MAP2K5: variants seen among roughly 807,000 people sequenced by gnomAD.
MAP2K5 encodes the protein mitogen-activated protein kinase kinase 5.
Under a neutral mutation model 83.1 loss-of-function variants are expected in MAP2K5, and 49 were observed. The observed-to-expected ratio is 0.59, with a 90% CI of 0.47 to 0.75. The LOEUF (loss-of-function observed/expected upper bound fraction) is 0.75. Ranked by LOEUF, MAP2K5 falls within the 30% of genes least tolerant of loss-of-function variation. The probability of loss-of-function intolerance (pLI) is 0.00; values close to 1 mark genes in which losing one functional copy is unlikely to be tolerated. For missense variants in MAP2K5, 457 were observed against 557.5 expected (o/e 0.82, Z 1.82); for synonymous variants, 202 against 191.8 (o/e 1.05, Z -0.44).
intron 12 of MAP2K5, among the ~76,000 whole-genome samples, chr15:67,662,817 C>G (rs2087270829): frequency 6.6e-6 from 1 of 152,008 alleles, no homozygotes; most frequent in Non-Finnish European, 1.5e-5. Context: ...ATTTTATTTC[C>G]TTGACCTGCC....
In MAP2K5 at chr15:67,769,753, G is replaced by A; in HGVS notation, c.1196+90G>A. On this transcript the variant is annotated intron_variant, in intron 20 of 21. Transcript: ENST00000178640. The surrounding 1 kb of genome is among the most constrained non-coding windows in gnomAD (Gnocchi z 5.2). The stretch of plus-strand genomic sequence containing the variant: ...TCCGTGAGACCTTATGGCTCTCCCT[G>A]CATCCTTTTGGAGACAGGAGGGACT... The A allele has an allele frequency of 4.5e-6, 6 of 1,318,762 alleles. No individual in the cohort carries two copies. The East Asian group carries it at 7.0e-5, about 15-fold the overall frequency. 81.7% of individuals were successfully genotyped at this position (1,318,762 alleles called of 1,614,324 possible).
At position 67,563,528 on chromosome 15, in the gene MAP2K5, C is replaced by T. The variant is rs973636401; in HGVS notation, c.252+178C>T. Reference sequence around the variant, plus strand: ...AGTTAAGGGCATTATTTTCAAAAGACACTTACTGATCATATCATAAACATT... The same window carrying T: ...AGTTAAGGGCATTATTTTCAAAAGATACTTACTGATCATATCATAAACATT... On this transcript the variant is annotated intron_variant, in intron 3 of 21. Transcript: ENST00000178640. This position sits in a 1 kb window ranked among gnomAD's most constrained non-coding sequence, Gnocchi z 4.5. Among the ~76,000 whole-genome samples, 3 of 152,110 alleles carry T rather than the reference C, an allele frequency of 2.0e-5. No individual in the cohort carries two copies. In the East Asian group the frequency reaches 5.8e-4, roughly 29 times the overall value.
At chr15:67,667,847 C>T (rs950326390) in intron 13 of MAP2K5, among the ~76,000 whole-genome samples, 9 of 152,088 alleles carry the variant, frequency 5.9e-5, no homozygotes, top group Middle Eastern at 3.2e-3. Context: ...ATTTATTAAA[C>T]GTAGTTAATG....
rs188085070 is a variant in MAP2K5 at position 67,584,815 on chromosome 15, G to A, written c.323-1075G>A. Among the ~76,000 whole-genome samples the A allele has an allele frequency of 6.8e-4, 103 of 150,976 alleles. No homozygotes were observed. In the East Asian group the frequency reaches 0.019, roughly 28 times the overall value. ...TGCCTCACGACATTCTCCTGCCTCA[G>A]CCTCCCGAGTAGCTGGGACTACAGG... On this transcript the variant is annotated intron_variant, in intron 4 of 21. Coordinates refer to ENST00000178640, the MANE Select transcript of MAP2K5 (RefSeq NM_145160.3).
intron 13 of MAP2K5, among the ~76,000 whole-genome samples, chr15:67,691,758 A>G (rs986148025): frequency 1.3e-5 from 2 of 152,168 alleles, no homozygotes; most frequent in Non-Finnish European, 2.9e-5. Context: ...CCTTTGTGTC[A>G]TTACTTAGCG....
intron 2 of MAP2K5, among the ~76,000 whole-genome samples, chr15:67,553,769 C>T (rs549085107): frequency 9.9e-5 from 15 of 151,008 alleles, no homozygotes; most frequent in East Asian, 3.9e-4. Context: ...AAAAATTAGC[C>T]GGGCGCGGTG....
intron 16 of MAP2K5, among the ~76,000 whole-genome samples, chr15:67,705,930 T>G (rs2088541249): frequency 6.6e-6 from 1 of 151,726 alleles, no homozygotes; most frequent in South Asian, 2.1e-4. Flanking sequence ...AGGGGAAAAG[T>G]GGGAAAAAAT....
At chr15:67,761,124 C>T (rs1181543831) in intron 19 of MAP2K5, among the ~76,000 whole-genome samples, 1 of 151,870 alleles carries the variant, frequency 6.6e-6, no homozygotes, top group Non-Finnish European at 1.5e-5. Context: ...CGTCTGGGCC[C>T]ACGAGATCCC....
rs1490617661 is a variant in MAP2K5, at chr15:67,780,679, T to C, written c.1242+7927T>C. ...TAAAAAAGGTTTTTGTTTGACCTCC[T>C]GCTAGGAGAGGTCATCTAGGTTAGA... On this transcript the variant is annotated intron_variant, in intron 21 of 21. Coordinates refer to ENST00000178640, the MANE Select transcript of MAP2K5 (RefSeq NM_145160.3). The surrounding 1 kb of genome is among the most constrained non-coding windows in gnomAD (Gnocchi z 5.0). 6.6e-6 allele frequency among the ~76,000 whole-genome samples: 1 copy of C among 152,240 alleles called. No individual in the cohort carries two copies. Among genetic ancestry groups the C allele is most frequent in the Non-Finnish European group, 1.5e-5 (1 of 68,044 alleles).
In MAP2K5 at chr15:67,748,637, T is replaced by C. The variant is rs1011625873; in HGVS notation, c.1134+36T>C. 1.9e-6 allele frequency: 3 copies of C among 1,597,274 alleles called. No individual in the cohort carries two copies. In the African/African-American group the frequency reaches 4.0e-5, roughly 21 times the overall value. ...GTCTTATGTGCTTTCACTCCTAAAG[T>C]CATTCCTAATGGTGTGGAAAGCTTA... On this transcript the variant is annotated intron_variant, in intron 19 of 21. Coordinates refer to ENST00000178640, the MANE Select transcript of MAP2K5 (RefSeq NM_145160.3). The surrounding 1 kb of genome is among the most constrained non-coding windows in gnomAD (Gnocchi z 4.0).
chr15:67,686,516 T>A (rs115509350), intron 13 of MAP2K5, among the ~76,000 whole-genome samples: 7 of 151,668 alleles, frequency 4.6e-5, no homozygotes, highest in African/African-American at 1.7e-4. Flanking sequence ...CTGAAGAGAA[T>A]CACTTGAACC....
At position 67,774,828 on chromosome 15, in the gene MAP2K5, C is replaced by A. The variant is rs2090208581; in HGVS notation, c.1242+2076C>A. Among the ~76,000 whole-genome samples, 1 of 152,192 alleles carries A rather than the reference C, an allele frequency of 6.6e-6. No homozygotes were observed. ...CATGGTAACTCCAGCCAGCAGGGTA[C>A]CAGCATGGGCTGCATGGGCCGCTTC... On this transcript the variant is annotated intron_variant, in intron 21 of 21. Transcript: ENST00000178640. The surrounding 1 kb of genome is among the most constrained non-coding windows in gnomAD (Gnocchi z 4.9).
rs1217954847 is a variant in MAP2K5, at chr15:67,736,928, C to T, written c.1074+8983C>T. On this transcript the variant is annotated intron_variant, in intron 17 of 21. Transcript: ENST00000178640. The surrounding 1 kb of genome is among the most constrained non-coding windows in gnomAD (Gnocchi z 4.3). Reference sequence around the variant, plus strand: ...GAAGAGATCTTACAATGATCTAGTCCAACTCTTAGATTACAGATGAGGAAA... The same window carrying T: ...GAAGAGATCTTACAATGATCTAGTCTAACTCTTAGATTACAGATGAGGAAA... Among the ~76,000 whole-genome samples, 2 of 152,090 alleles carry T rather than the reference C, an allele frequency of 1.3e-5. No individual in the cohort carries two copies. Among genetic ancestry groups the T allele is most frequent in the African/African-American group, 4.8e-5 (2 of 41,404 alleles).
chr15:67,697,032 C>T (rs1382157804), intron 15 of MAP2K5, among the ~76,000 whole-genome samples: 1 of 152,080 alleles, frequency 6.6e-6, no homozygotes, highest in Non-Finnish European at 1.5e-5. Context: ...CTTGATGATT[C>T]AAACAGTATG....
intron 8 of MAP2K5, among the ~76,000 whole-genome samples, chr15:67,608,859 C>T (rs935118549): frequency 5.9e-5 from 9 of 152,110 alleles, no homozygotes; most frequent in Non-Finnish European, 1.2e-4. Context: ...GTTGTGTTCC[C>T]TGGAGGAGAG....
In MAP2K5 at chr15:67,802,418, A is replaced by G. The variant is rs542900585; in HGVS notation, c.1243-4228A>G. Among the ~76,000 whole-genome samples the G allele has an allele frequency of 6.6e-6, 1 of 152,222 alleles. No homozygotes were observed. The highest frequency in any genetic ancestry group is 2.1e-4 in the South Asian group (1 of 4,816). ...ACCTCCCGACTCTCCCCTGTGTCCC[A>G]CTTTTGGAGTCATCCTGCCTCTGGC... On this transcript the variant is annotated intron_variant, in intron 21 of 21. Transcript: ENST00000178640. The surrounding 1 kb of genome is among the most constrained non-coding windows in gnomAD (Gnocchi z 5.0).
At chr15:67,715,475 G>GT (rs1362515287) in intron 16 of MAP2K5, among the ~76,000 whole-genome samples, 1 of 152,182 alleles carries the variant, frequency 6.6e-6, no homozygotes, top group Non-Finnish European at 1.5e-5. Flanking sequence ...TTTGCTTTGT[G>GT]TTCAGAGCTG....
At chr15:67,733,178 G>A (rs1036631240) in intron 17 of MAP2K5, among the ~76,000 whole-genome samples, 2 of 152,084 alleles carry the variant, frequency 1.3e-5, no homozygotes, top group African/African-American at 4.8e-5. Context: ...GTTTTTTATG[G>A]TTCACTCTGA....
intron 1 of MAP2K5, chr15:67,546,491 G>A: frequency 1.6e-6 from 1 of 608,258 alleles, no homozygotes; most frequent in Non-Finnish European, 2.1e-6. Context: ...ATAGCTGGGA[G>A]ACCCTGGGCA....
Sources: gnomAD v4.1 joint callset for allele counts (sites outside exome capture counted in the v4.1 genomes callset) on GRCh38, gnomAD v4.1.1 for gene constraint, Gnocchi (gnomAD v3.1) non-coding constraint, MANE v1.5 for transcripts, NCBI Gene and HGNC (gene_info 2026-07-23, HGNC 2026-07-21) for gene names.